The following HMCN2 variants were observed in gnomAD, a reference collection of about 807,000 sequenced individuals.
HMCN2 encodes hemicentin-2.
A neutral mutation model predicts 377.5 loss-of-function variants in HMCN2; 325 were observed. That is an observed-to-expected ratio of 0.86 (90% CI 0.79 to 0.94). The LOEUF (loss-of-function observed/expected upper bound fraction) is 0.94. HMCN2 is among the 40% of genes least tolerant of loss of function. The pLI is 0.00. For missense variants in HMCN2, 4,543 were observed against 4,725.3 expected, an observed-to-expected ratio of 0.96 and a Z score of 1.13; for synonymous variants, 2,007 against 2,046.8, an observed-to-expected ratio of 0.98 and a Z score of 0.53.
Position 130,375,620 on chromosome 9 carries a change from C to T in HMCN2, c.7688C>T (p.Thr2563Ile). 1 of 985,886 alleles carries T rather than the reference C, an allele frequency of 1.0e-6. No individual in the cohort carries two copies. The highest frequency in any genetic ancestry group is 1.2e-6 in the Non-Finnish European group (1 of 829,944). The allele number at this position is 985,886 out of a possible 1,614,324, so 61.1% of individuals were successfully genotyped here. A position where few individuals can be genotyped will look rare whatever the true frequency, so the allele number is the denominator to read the frequency against. Residue 2563 changes from threonine (T) to isoleucine (I), a missense_variant, in exon 50 of 98, where the codon ACT (threonine) becomes ATT (isoleucine). Thr to Ile is a moderately conservative substitution (Grantham distance 89). Coordinates refer to ENST00000683500, the MANE Select transcript of HMCN2 (RefSeq NM_001291815.2). ...AGTGCAGATGAGGAGGTGACCGTGA[C>T]TGTCAACAACCCCATCTCTCTGATC... The part of the protein sequence containing the change: ...EDSADEEVTV[T>I]VNNPISLICE...
chr9:130,408,399 T>G (rs1186037500), intron 83 of HMCN2, among the ~76,000 whole-genome samples: 1 of 152,226 alleles, frequency 6.6e-6, no homozygotes. Context: ...ACTCCGCTGC[T>G]AGTGTAATCC....
chr9:130,335,734 C>G (rs1838711071), intron 22 of HMCN2, among the ~76,000 whole-genome samples: 1 of 152,154 alleles, frequency 6.6e-6, no homozygotes, highest in South Asian at 2.1e-4. Context: ...CGAGGTCAGC[C>G]TGTAAGAGGC....
chr9:130,322,332 ATC>A (rs1837899224), intron 19 of HMCN2, among the ~76,000 whole-genome samples: 1,301 of 122,728 alleles, frequency 0.011, 18 homozygotes, highest in African/African-American at 0.032. Context: ...CTATCTATCT[ATC>A]TATCTATCCA....
chr9:130,271,823 A>G (rs1336637048), intron 1 of HMCN2, among the ~76,000 whole-genome samples: 1 of 149,328 alleles, frequency 6.7e-6, no homozygotes, highest in African/African-American at 2.4e-5. Flanking sequence ...TATGTTGTAT[A>G]TATAACCTGT....
chr9:130,324,824 C>T (rs1176826879), intron 19 of HMCN2, among the ~76,000 whole-genome samples: 3 of 152,168 alleles, frequency 2.0e-5, no homozygotes, highest in African/African-American at 7.2e-5. Flanking sequence ...AGGGTTTCAC[C>T]CTGTTGGCCA....
At chr9:130,395,774 G>C in intron 71 of HMCN2, 150 bp from the exon 72 acceptor site, 1 of 759,058 alleles carries the variant, frequency 1.3e-6, no homozygotes. Flanking sequence ...GAGGGTCCTC[G>C]GCGGGGCACA....
At chr9:130,278,800 T>C (rs1219444726) in intron 1 of HMCN2, among the ~76,000 whole-genome samples, 2 of 150,892 alleles carry the variant, frequency 1.3e-5, no homozygotes, top group East Asian at 4.0e-4. Flanking sequence ...AGGCTGGTCT[T>C]GAGCTCCCAA....
rs374946118 is a variant in HMCN2 at position 130,407,513 on chromosome 9, C to T, written c.12554-58C>T. 1.6e-4 allele frequency: 203 copies of T among 1,266,538 alleles called. No homozygotes were observed. In the African/African-American group the frequency reaches 2.9e-3, roughly 18 times the overall value. The allele number at this position is 1,266,538 out of a possible 1,614,324, so 78.5% of individuals were successfully genotyped here. A position where few individuals can be genotyped will look rare whatever the true frequency, so the allele number is the denominator to read the frequency against. On this transcript the variant is annotated intron_variant, in intron 82 of 97. Coordinates refer to ENST00000683500, the MANE Select transcript of HMCN2 (RefSeq NM_001291815.2). The stretch of plus-strand genomic sequence containing the variant: ...TTAAGTTCCTGCAGGTACCCAGGCA[C>T]CAGGGAAGTGTTTAGGGCAGGAGTT...
intron 31 of HMCN2, among the ~76,000 whole-genome samples, chr9:130,354,074 G>T (rs1839889370): frequency 1.3e-5 from 2 of 152,286 alleles, no homozygotes; most frequent in South Asian, 4.1e-4. Context: ...CCCAGGAAAT[G>T]AAATAGAAAA....
intron 2 of HMCN2, among the ~76,000 whole-genome samples, chr9:130,284,905 C>T (rs1835337611): frequency 6.6e-6 from 1 of 152,220 alleles, no homozygotes; most frequent in Non-Finnish European, 1.5e-5. Context: ...TGACTGCCCT[C>T]CATGCCAGAT....
chr9:130,432,617 G>A, intron 97 of HMCN2, 62 bp downstream of exon 97: 1 of 1,501,802 alleles, frequency 6.7e-7, no homozygotes, highest in Non-Finnish European at 9.0e-7. Flanking sequence ...AGTCACTGGG[G>A]GTGCAGGCTG....
rs1844092610 is a variant in HMCN2 at position 130,422,770 on chromosome 9, C to T, written c.13381+44C>T. ...ATCACCTGCCTCTGGGTTATTGTCA[C>T]AGCCCAGCGAGCATCCTCCAGAACA... On this transcript the variant is annotated intron_variant, in intron 87 of 97. Coordinates refer to ENST00000683500, the MANE Select transcript of HMCN2 (RefSeq NM_001291815.2). The surrounding 1 kb of genome is among the most constrained non-coding windows in gnomAD (Gnocchi z 4.2). 1 of 1,253,646 alleles carries T rather than the reference C, an allele frequency of 8.0e-7. No individual in the cohort carries two copies. Among genetic ancestry groups the T allele is most frequent in the Non-Finnish European group, 1.0e-6 (1 of 991,158 alleles). 77.7% of individuals were successfully genotyped at this position (1,253,646 alleles called of 1,614,324 possible).
Position 130,369,181 on chromosome 9 carries a change from T to C in HMCN2, c.6788-389T>C, listed in dbSNP as rs1463034782. ...GATGAAATGAAATCCCCCAGCCTGG[T>C]AAAAATCCTGCTAGAAAATAAAACC... On this transcript the variant is annotated intron_variant, in intron 44 of 97. Transcript: ENST00000683500. The surrounding 1 kb of genome is among the most constrained non-coding windows in gnomAD (Gnocchi z 4.5). Among the ~76,000 whole-genome samples, 1 of 152,150 alleles carries C rather than the reference T, an allele frequency of 6.6e-6. No homozygotes were observed. Among genetic ancestry groups the C allele is most frequent in the Non-Finnish European group, 1.5e-5 (1 of 68,024 alleles).
At chr9:130,412,384 A>G (rs949407847) in intron 85 of HMCN2, among the ~76,000 whole-genome samples, 4 of 152,148 alleles carry the variant, frequency 2.6e-5, no homozygotes, top group Admixed American at 6.5e-5. Flanking sequence ...TATTTCTCCC[A>G]GTCTGTGGCT....
Position 130,308,266 on chromosome 9 carries a change from A to C in HMCN2, c.2200+700A>C, listed in dbSNP as rs1017948871. Among the ~76,000 whole-genome samples the C allele has an allele frequency of 2.0e-5, 3 of 152,134 alleles. No individual in the cohort carries two copies. Among genetic ancestry groups the C allele is most frequent in the East Asian group, 3.9e-4 (2 of 5,194 alleles). The stretch of plus-strand genomic sequence containing the variant: ...GCCACTGTGCCTGGCCATATGTGCA[A>C]AGGTTTTAGAACAAGCTTGGCACAT... On this transcript the variant is annotated intron_variant, in intron 14 of 97. Transcript: ENST00000683500. The surrounding 1 kb of genome is among the most constrained non-coding windows in gnomAD (Gnocchi z 4.1).
chr9:130,385,587 G>T lies in HMCN2; in HGVS notation c.9134G>T (p.Arg3045Ile). The T allele has an allele frequency of 7.7e-7, 1 of 1,304,198 alleles. No individual in the cohort carries two copies. The highest frequency in any genetic ancestry group is 1.0e-6 in the Non-Finnish European group (1 of 988,892). 80.8% of individuals were successfully genotyped at this position (1,304,198 alleles called of 1,614,324 possible). Residue 3045 changes from arginine to isoleucine, a missense_variant, in exon 60 of 98, where the codon AGA becomes ATA. By Grantham distance (97) the Arg-to-Ile change is moderately conservative (BLOSUM62 -3). This residue lies in a region of HMCN2 where 736 missense variants were observed against 773.2 expected (regional missense o/e 0.95). Transcript: ENST00000683500. ...CCCCCGGCCTTCAGGCAGGCTCCCA[G>T]AGGTCCCCAGGATGCGGTCCTGGTG... ...LVPPAFRQAP[R>I]GPQDAVLVRV...
chr9:130,287,092 A>G (rs1394016908), intron 4 of HMCN2, among the ~76,000 whole-genome samples: 2 of 152,136 alleles, frequency 1.3e-5, no homozygotes, highest in East Asian at 3.9e-4. Context: ...ATTCCAAGTC[A>G]GAGTTGGGAA....
Position 130,394,339 on chromosome 9 carries a change from C to G in HMCN2, c.10502-46C>G, listed in dbSNP as rs143978367. 3 of 1,213,914 alleles carry G rather than the reference C, an allele frequency of 2.5e-6. No individual in the cohort carries two copies. Among genetic ancestry groups the G allele is most frequent in the Non-Finnish European group, 3.2e-6 (3 of 923,258 alleles). 75.2% of individuals were successfully genotyped at this position (1,213,914 alleles called of 1,614,324 possible). A position where few individuals can be genotyped will look rare whatever the true frequency, so the allele number is the denominator to read the frequency against. On this transcript the variant is annotated intron_variant, in intron 68 of 97. Transcript: ENST00000683500. The surrounding 1 kb of genome is among the most constrained non-coding windows in gnomAD (Gnocchi z 5.1). Reference sequence around the variant, plus strand: ...AGTGTTTTCAAGTGCGGTGCTGTCCCGGAAATGTGTGTCAATTGTGTGTTC... The same window carrying G: ...AGTGTTTTCAAGTGCGGTGCTGTCCGGGAAATGTGTGTCAATTGTGTGTTC...
In HMCN2 at chr9:130,428,265, C is replaced by T. The variant is rs964881820; in HGVS notation, c.14066-93C>T. Reference sequence around the variant, plus strand: ...TGCCAGTGGCTCCTGGGCCTGCGGACGAAGCCTCTGTGGATAGGCCGGGCC... The same window carrying T: ...TGCCAGTGGCTCCTGGGCCTGCGGATGAAGCCTCTGTGGATAGGCCGGGCC... On this transcript the variant is annotated intron_variant, in intron 92 of 97. Coordinates refer to ENST00000683500, the MANE Select transcript of HMCN2 (RefSeq NM_001291815.2). The surrounding 1 kb of genome is among the most constrained non-coding windows in gnomAD (Gnocchi z 5.0). The T allele has an allele frequency of 1.1e-4, 157 of 1,397,492 alleles. No individual in the cohort carries two copies. Among genetic ancestry groups the T allele is most frequent in the Non-Finnish European group, 1.3e-4 (139 of 1,061,398 alleles). 86.6% of individuals were successfully genotyped at this position (1,397,492 alleles called of 1,614,324 possible).
Sources: gnomAD v4.1 joint callset for allele counts (sites outside exome capture counted in the v4.1 genomes callset) on GRCh38, gnomAD v4.1.1 for gene constraint, gnomAD v4.1.1 regional missense constraint, Gnocchi (gnomAD v3.1) non-coding constraint, MANE v1.5 for transcripts, NCBI Gene and HGNC (gene_info 2026-07-23, HGNC 2026-07-21) for gene names.